Variants in CTNNA2 observed in about 807,000 individuals in gnomAD.
CTNNA2 encodes catenin alpha 2.
A neutral mutation model predicts 101.0 loss-of-function variants in CTNNA2; 42 were observed. That is an observed-to-expected ratio of 0.42 (90% CI 0.32 to 0.54). The LOEUF is 0.54. Ranked by LOEUF, CTNNA2 falls within the 20% of genes least tolerant of loss-of-function variation. CTNNA2 has a pLI of 0.14. For missense variants in CTNNA2, 871 were observed against 1,223.1 expected (o/e 0.71, Z 4.29); for synonymous variants, 450 against 456.4 (o/e 0.99, Z 0.18).
chr2:79,604,766 A>G (rs1415405451), intron 1 of CTNNA2, among the ~76,000 whole-genome samples: 1 of 152,188 alleles, frequency 6.6e-6, no homozygotes, highest in Non-Finnish European at 1.5e-5. Flanking sequence ...GGTACTGGAG[A>G]TAGGATGAGA....
At chr2:79,712,876 A>G (rs1049796803) in intron 2 of CTNNA2, among the ~76,000 whole-genome samples, 1 of 152,184 alleles carries the variant, frequency 6.6e-6, no homozygotes, top group African/African-American at 2.4e-5. Flanking sequence ...TGGATAAATT[A>G]AGTATAGACC....
intron 4 of CTNNA2, among the ~76,000 whole-genome samples, chr2:79,464,371 T>A (rs528714541): frequency 6.6e-6 from 1 of 152,328 alleles, no homozygotes; most frequent in East Asian, 1.9e-4. Flanking sequence ...ATTTTCTTAA[T>A]CCAGTCTATC....
chr2:80,467,243 A>G (rs770635726), intron 9 of CTNNA2, among the ~76,000 whole-genome samples: 6 of 152,192 alleles, frequency 3.9e-5, no homozygotes, highest in Non-Finnish European at 5.9e-5. Context: ...TTCATGCACA[A>G]AGACAGACTA....
intron 7 of CTNNA2, among the ~76,000 whole-genome samples, chr2:80,020,432 G>A (rs1181930488): frequency 1.3e-5 from 2 of 152,186 alleles, no homozygotes; most frequent in Non-Finnish European, 2.9e-5. Context: ...GGCATGGAGT[G>A]TTGAAGATAA....
At chr2:80,466,762 C>T (rs369301402) in intron 9 of CTNNA2, among the ~76,000 whole-genome samples, 1 of 152,050 alleles carries the variant, frequency 6.6e-6, no homozygotes, top group Non-Finnish European at 1.5e-5. Context: ...TGCTTAGGCC[C>T]CAACAGGATT....
chr2:79,999,340 A>T lies in CTNNA2; in HGVS notation c.1056+89543A>T, dbSNP rs115258573. Among the ~76,000 whole-genome samples the T allele has an allele frequency of 6.3e-3, 958 of 152,302 alleles. 3 individuals carry two copies. The highest frequency in any genetic ancestry group is 7.3e-3 in the Non-Finnish European group (496 of 68,022). ...CTTCTTCATTCCATCTAGCCACCAT[A>T]GTTGTTTCCTTACAAAGCAACTGGT... On this transcript the variant is annotated intron_variant, in intron 7 of 18. Transcript: ENST00000402739.
intron 7 of CTNNA2, among the ~76,000 whole-genome samples, chr2:79,954,141 C>T (rs1415817626): frequency 6.6e-6 from 1 of 152,040 alleles, no homozygotes; most frequent in Non-Finnish European, 1.5e-5. Context: ...AGTGAGGACA[C>T]AGGAAAAACT....
chr2:80,378,957 G>T (rs769892504), intron 7 of CTNNA2, among the ~76,000 whole-genome samples: 4 of 152,102 alleles, frequency 2.6e-5, no homozygotes, highest in Non-Finnish European at 4.4e-5. Context: ...TATCTTGGCT[G>T]TAGAGGATGC....
intron 2 of CTNNA2, among the ~76,000 whole-genome samples, chr2:79,215,624 G>A (rs1012715858): frequency 5.9e-5 from 9 of 152,146 alleles, no homozygotes; most frequent in African/African-American, 1.9e-4. Flanking sequence ...GCTGTCAAAC[G>A]AGTCATGTAC....
intron 15 of CTNNA2, among the ~76,000 whole-genome samples, chr2:80,602,930 G>A (rs1697677613): frequency 6.6e-6 from 1 of 151,960 alleles, no homozygotes; most frequent in South Asian, 2.1e-4. Context: ...GTAGAGAAAT[G>A]GAACAAAATA....
At chr2:80,582,393 C>G (rs1412948068) in intron 14 of CTNNA2, among the ~76,000 whole-genome samples, 1 of 152,114 alleles carries the variant, frequency 6.6e-6, no homozygotes, top group Non-Finnish European at 1.5e-5. Context: ...CTAGATCTGT[C>G]TGCCATATGA....
intron 2 of CTNNA2, among the ~76,000 whole-genome samples, chr2:79,306,486 A>G (rs1031521307): frequency 1.3e-5 from 2 of 151,424 alleles, no homozygotes; most frequent in Non-Finnish European, 2.9e-5. Context: ...ATTAAAAAAT[A>G]AAATTAAAAA....
chr2:79,463,535 G>A (rs1177273912), intron 4 of CTNNA2, among the ~76,000 whole-genome samples: 1 of 152,122 alleles, frequency 6.6e-6, no homozygotes, highest in Non-Finnish European at 1.5e-5. Flanking sequence ...ACTTCTGCTG[G>A]GAGGGCAGCC....
chr2:79,905,239 G>T (rs551158597), intron 6 of CTNNA2, among the ~76,000 whole-genome samples: 101 of 152,058 alleles, frequency 6.6e-4, no homozygotes, highest in Non-Finnish European at 1.3e-3. Context: ...AAGCAAATAA[G>T]AAAATAGACA....
chr2:79,760,200 A>G (rs1488905056), intron 3 of CTNNA2, among the ~76,000 whole-genome samples: 2 of 152,206 alleles, frequency 1.3e-5, no homozygotes, highest in Non-Finnish European at 2.9e-5. Flanking sequence ...GATAGAAAGC[A>G]TTATGTAAAT....
chr2:80,216,347 G>A (rs1009237588), intron 7 of CTNNA2, among the ~76,000 whole-genome samples: 7 of 152,110 alleles, frequency 4.6e-5, no homozygotes, highest in African/African-American at 1.7e-4. Context: ...ACTCATGCTT[G>A]GAACTGGAAC....
At chr2:80,570,654 A>T (rs967979460) in intron 12 of CTNNA2, among the ~76,000 whole-genome samples, 3 of 152,194 alleles carry the variant, frequency 2.0e-5, no homozygotes, top group African/African-American at 7.2e-5. Flanking sequence ...ATTAAGGCTC[A>T]ATTGCACTCT....
chr2:80,440,257 A>C (rs565612773), intron 9 of CTNNA2, among the ~76,000 whole-genome samples: 2 of 152,328 alleles, frequency 1.3e-5, no homozygotes, highest in Admixed American at 1.3e-4. Flanking sequence ...GTATTTGCTC[A>C]GAAATCTTAA....
At chr2:79,237,657 G>A (rs1213320906) in intron 2 of CTNNA2, among the ~76,000 whole-genome samples, 2 of 152,196 alleles carry the variant, frequency 1.3e-5, no homozygotes, top group African/African-American at 4.8e-5. Flanking sequence ...ATCTTAGCTT[G>A]ATCTTCTGGA....
Sources: allele counts gnomAD v4.1 joint callset (sites outside exome capture counted in the v4.1 genomes callset), GRCh38; gene constraint gnomAD v4.1.1; transcripts MANE v1.5; gene names NCBI Gene and HGNC (gene_info 2026-07-23, HGNC 2026-07-21).